The following IQGAP1 variants were observed in gnomAD, a reference collection of about 807,000 sequenced individuals.
IQGAP1 encodes ras GTPase-activating-like protein IQGAP1.
In IQGAP1, 66 loss-of-function variants were observed where a neutral mutation model predicts 215.6. The ratio of observed to expected loss-of-function variants is 0.31; its 90% CI spans 0.25 to 0.38. The LOEUF (loss-of-function observed/expected upper bound fraction) is 0.38, where lower values mean the gene tolerates loss of function less well. Among genes scored for constraint, IQGAP1 ranks in the 10% least tolerant of loss-of-function variants. IQGAP1 has a pLI of 1.00. For synonymous variants in IQGAP1, 772 were observed against 728.7 expected, an observed-to-expected ratio of 1.06 and a Z score of -0.96; for missense variants, 1,712 against 1,997.1, an observed-to-expected ratio of 0.86 and a Z score of 2.72.
chr15:90,459,591 G>A (rs867928393), intron 15 of IQGAP1, among the ~76,000 whole-genome samples: 2 of 152,194 alleles, frequency 1.3e-5, no homozygotes, highest in African/African-American at 2.4e-5. Context: ...CATCAAAGGC[G>A]GAGGAAGTCG....
chr15:90,485,904 C>T (rs370198999), intron 30 of IQGAP1, 126 bp from the exon 31 acceptor site: 2 of 658,206 alleles, frequency 3.0e-6, no homozygotes, highest in Non-Finnish European at 2.7e-6. Context: ...TGAGGATTTG[C>T]TTGTTGTTTC....
In IQGAP1 at chr15:90,492,519, TTCTAACTTTAATAA is replaced by T; in HGVS notation, c.4462-24_4462-11del. ...ATGATAATGATAACTGTCGTTATTT[TTCTAACTTTAATAA>T]TTATGTCTCAGGATATTCGGAATCA... On this transcript the variant is annotated splice_polypyrimidine_tract_variant and intron_variant, in intron 34 of 37. Coordinates refer to ENST00000268182, the MANE Select transcript of IQGAP1 (RefSeq NM_003870.4). 1.9e-6 allele frequency: 3 copies of T among 1,574,456 alleles called. No individual in the cohort carries two copies. The highest frequency in any genetic ancestry group is 2.6e-6 in the Non-Finnish European group (3 of 1,160,464).
chr15:90,432,798 T>C (rs186621501), intron 4 of IQGAP1, among the ~76,000 whole-genome samples: 1 of 152,274 alleles, frequency 6.6e-6, no homozygotes, highest in East Asian at 1.9e-4. Flanking sequence ...TCTTCTCACC[T>C]CATTATTCAG....
chr15:90,463,849 C>T (rs1317174032), intron 15 of IQGAP1, among the ~76,000 whole-genome samples: 1 of 152,162 alleles, frequency 6.6e-6, no homozygotes, highest in African/African-American at 2.4e-5. Flanking sequence ...AGATGCTTTC[C>T]TTTGGCCTTA....
intron 2 of IQGAP1, among the ~76,000 whole-genome samples, chr15:90,419,409 C>G (rs1386291516): frequency 6.6e-6 from 1 of 152,056 alleles, no homozygotes; most frequent in East Asian, 1.9e-4. Context: ...TTACTTCTTT[C>G]CTGTTTAGTA....
chr15:90,485,890 T>G, intron 30 of IQGAP1, 140 bp from the exon 31 acceptor site: 1 of 618,238 alleles, frequency 1.6e-6, no homozygotes, highest in South Asian at 2.0e-5. Context: ...TTGGGTTAGT[T>G]TGCTGAGGAT....
intron 3 of IQGAP1, among the ~76,000 whole-genome samples, chr15:90,427,772 A>G (rs1336734323): frequency 6.6e-6 from 1 of 152,136 alleles, no homozygotes; most frequent in Admixed American, 6.5e-5. Context: ...GACAAGGACC[A>G]AATTTTCTTG....
At chr15:90,396,946 G>A (rs1419869927) in intron 2 of IQGAP1, among the ~76,000 whole-genome samples, 1 of 151,614 alleles carries the variant, frequency 6.6e-6, no homozygotes, top group Non-Finnish European at 1.5e-5. Flanking sequence ...TCTGCCTCCC[G>A]GGTTCAAACG....
intron 8 of IQGAP1, among the ~76,000 whole-genome samples, chr15:90,442,453 A>G (rs943548651): frequency 2.4e-4 from 15 of 63,530 alleles, no homozygotes; most frequent in Admixed American, 6.4e-4. Flanking sequence ...TCGGGGGGGA[A>G]AAAAAAAACT....
At chr15:90,433,160 C>G (rs140164851) in intron 4 of IQGAP1, among the ~76,000 whole-genome samples, 2 of 152,334 alleles carry the variant, frequency 1.3e-5, no homozygotes, top group African/African-American at 4.8e-5. Flanking sequence ...CATACATGCT[C>G]TATTCTAGCT....
At chr15:90,429,957 GCT>G (rs1371424065) in intron 4 of IQGAP1, 1 of 210,120 alleles carries the variant, frequency 4.8e-6, no homozygotes, top group African/African-American at 2.3e-5. Context: ...GAATTCACAT[GCT>G]GTGAGATTCA....
intron 2 of IQGAP1, among the ~76,000 whole-genome samples, chr15:90,401,879 A>T (rs1964809714): frequency 6.6e-6 from 1 of 152,234 alleles, no homozygotes. Flanking sequence ...TTTACATATT[A>T]CATTATTGTG....
At chr15:90,452,702 A>T (rs931553659) in intron 11 of IQGAP1, 73 bp from the exon 12 acceptor site, 22 of 1,491,186 alleles carry the variant, frequency 1.5e-5, no homozygotes, top group Non-Finnish European at 2.0e-5. Context: ...TATTTTTCCC[A>T]TGAAGATTGG....
chr15:90,440,578 C>A lies in IQGAP1; in HGVS notation c.612C>A (p.Gly204=). 1 of 1,568,338 alleles carries A rather than the reference C, an allele frequency of 6.4e-7. No individual in the cohort carries two copies. Among genetic ancestry groups the A allele is most frequent in the Non-Finnish European group, 8.7e-7 (1 of 1,154,934 alleles). ...TGCCTGCCTTTAGCAAGATTGGGGG[C>A]ATCTTGGCTAATGAACTGTCAGTGG... The part of the protein sequence containing the change: ...IQMPAFSKIG[G]ILANELSVDE... Residue 204 remains glycine (G), a synonymous_variant, in exon 7 of 38, where the codon GGC becomes GGA. Transcript: ENST00000268182.
Position 90,452,928 on chromosome 15 carries a change from A to G in IQGAP1, c.1316A>G (p.Gln439Arg). The G allele has an allele frequency of 6.2e-7, 1 of 1,613,912 alleles. No individual in the cohort carries two copies. The highest frequency in any genetic ancestry group is 8.5e-7 in the Non-Finnish European group (1 of 1,179,986). Residue 439 changes from glutamine (Q) to arginine (R), a missense_variant, in exon 12 of 38, where the codon CAA (glutamine) becomes CGA (arginine). Gln to Arg is a conservative substitution (Grantham distance 43). Coordinates refer to ENST00000268182, the MANE Select transcript of IQGAP1 (RefSeq NM_003870.4). ...YQKELATLQRQSPEHNLTHPE... is the reference protein window; with the variant it reads ...YQKELATLQRRSPEHNLTHPE... ...AAGGAGCTGGCTACCCTGCAGCGAC[A>G]AAGTCCTGAAGTGAGTTCACTAAAC...
rs146310924 is a variant in IQGAP1, at chr15:90,427,741, CA to C, written c.312+1485del. ...GGCAACAGAGCAAGACTCTGTCTCC[CA>C]AAAAAAAAATGGGGATGTTGACAAG... is the stretch of plus-strand genomic sequence containing the variant. On this transcript the variant is annotated intron_variant, in intron 3 of 37. Coordinates refer to ENST00000268182, the MANE Select transcript of IQGAP1 (RefSeq NM_003870.4). Among the ~76,000 whole-genome samples, 133 of 145,890 alleles carry C rather than the reference CA, an allele frequency of 9.1e-4. 1 individual carries two copies. Among genetic ancestry groups the C allele is most frequent in the African/African-American group, 3.0e-3 (119 of 39,920 alleles).
intron 37 of IQGAP1, among the ~76,000 whole-genome samples, chr15:90,498,831 GAC>G (rs1187195776): frequency 9.2e-6 from 1 of 109,166 alleles, no homozygotes; most frequent in Non-Finnish European, 2.0e-5. Flanking sequence ...TTTTTTTTGA[GAC>G]AGTTTCGCTC....
At chr15:90,389,416 G>A (rs1363099722) in intron 1 of IQGAP1, among the ~76,000 whole-genome samples, 2 of 148,932 alleles carry the variant, frequency 1.3e-5, no homozygotes, top group Admixed American at 6.8e-5. Flanking sequence ...TGCAATCTCA[G>A]CTCACTGCAA....
chr15:90,438,391 G>C (rs2151018291), intron 5 of IQGAP1, among the ~76,000 whole-genome samples: 1 of 152,210 alleles, frequency 6.6e-6, no homozygotes, highest in East Asian at 1.9e-4. Context: ...ATATATGCTA[G>C]GCTCTGGGTA....
Sources: allele counts gnomAD v4.1 joint callset (sites outside exome capture counted in the v4.1 genomes callset), GRCh38; gene constraint gnomAD v4.1.1; transcripts MANE v1.5; gene names NCBI Gene and HGNC (gene_info 2026-07-23, HGNC 2026-07-21).